STAB2: variants seen among roughly 807,000 people sequenced by gnomAD.
STAB2 encodes stabilin-2.
In STAB2, 288 loss-of-function variants were observed where a neutral mutation model predicts 338.1. The observed-to-expected ratio is 0.85, with a 90% CI of 0.77 to 0.94. The LOEUF (loss-of-function observed/expected upper bound fraction) is 0.94. Among genes scored for constraint, STAB2 ranks in the 40% least tolerant of loss-of-function variants. The pLI is 0.00. For missense variants in STAB2, 3,141 were observed against 3,210.1 expected (o/e 0.98, Z 0.52); for synonymous variants, 1,202 against 1,193.3 (o/e 1.01, Z -0.15).
rs561602793 is a variant in STAB2, at chr12:103,718,260, T to C, written c.4683+419T>C. Among the ~76,000 whole-genome samples, 12 of 152,286 alleles carry C rather than the reference T, an allele frequency of 7.9e-5. No individual in the cohort carries two copies. The South Asian group carries it at 1.9e-3, about 24-fold the overall frequency. On this transcript the variant is annotated intron_variant, in intron 44 of 68. Coordinates refer to ENST00000388887, the MANE Select transcript of STAB2 (RefSeq NM_017564.10). ...GCGAGCGCACTATGAGTCAACAATA[T>C]AGTGTAGCATTCCAAAAGCTTGTTC...
Position 103,717,798 on chromosome 12 carries a change from C to T in STAB2, c.4640C>T (p.Thr1547Ile), listed in dbSNP as rs537041300. 5 of 1,614,152 alleles carry T rather than the reference C, an allele frequency of 3.1e-6. No individual in the cohort carries two copies. In the African/African-American group the frequency reaches 5.3e-5, roughly 17 times the overall value. ...QAACNCLPAY[T>I]GDGKVCTLIN... is the part of the protein sequence containing the mutation. ...GCCTGTAACTGTTTGCCAGCATACA[C>T]TGGAGATGGAAAGGTCTGCACACTC... The change falls in exon 44 of 69, where the codon ACT (threonine) becomes ATT (isoleucine). Residue 1547 changes from threonine (T) to isoleucine (I), a missense_variant. Physicochemically the swap from Thr to Ile is moderately conservative, Grantham distance 89 (BLOSUM62 -1). Transcript: ENST00000388887.
chr12:103,706,596 G>A (rs1295836029), intron 37 of STAB2, among the ~76,000 whole-genome samples, 196 bp from the exon 38 acceptor site: 1 of 151,680 alleles, frequency 6.6e-6, no homozygotes, highest in Non-Finnish European at 1.5e-5. Context: ...GGAGCCCTTG[G>A]TCCTGTTCCT....
chr12:103,759,492 G>T lies in STAB2; in HGVS notation c.7248+219G>T, dbSNP rs181306364. Among the ~76,000 whole-genome samples the T allele has an allele frequency of 2.0e-5, 3 of 152,330 alleles. No individual in the cohort carries two copies. In the East Asian group the frequency reaches 5.8e-4, roughly 29 times the overall value. On this transcript the variant is annotated intron_variant, in intron 65 of 68. Transcript: ENST00000388887. ...GGCAGCCTCAGAAGCTGGTTATGGG[G>T]AAGGATAATGAACCCATTTTAAAGC...
Position 103,759,191 on chromosome 12 carries a change from A to G in STAB2, c.7166A>G (p.Asn2389Ser), listed in dbSNP as rs1424204990. The change falls in exon 65 of 69, where the codon AAT becomes AGT. Residue 2389 changes from asparagine (N) to serine (S), a missense_variant. Transcript: ENST00000388887. ...GCCAATGTCAGCATGTTTTTCTACA[A>G]TGACCTTGTCAATGGCACCACCCTG... ...HLANVSMFFY[N>S]DLVNGTTLQT... The G allele has an allele frequency of 3.1e-6, 5 of 1,614,040 alleles. No homozygotes were observed. The highest frequency in any genetic ancestry group is 4.2e-6 in the Non-Finnish European group (5 of 1,180,038).
intron 19 of STAB2, among the ~76,000 whole-genome samples, chr12:103,667,435 C>G (rs1446499769): frequency 6.6e-6 from 1 of 152,136 alleles, no homozygotes; most frequent in African/African-American, 2.4e-5. Context: ...GGCAAGGAAA[C>G]GTAAACCACC....
At chr12:103,598,952 T>G (rs563556084) in intron 3 of STAB2, among the ~76,000 whole-genome samples, 1 of 152,304 alleles carries the variant, frequency 6.6e-6, no homozygotes, top group African/African-American at 2.4e-5. Flanking sequence ...ATTGTACCTG[T>G]GAGCCCAGGT....
At chr12:103,617,026 C>T (rs1176385569) in intron 3 of STAB2, among the ~76,000 whole-genome samples, 3 of 152,148 alleles carry the variant, frequency 2.0e-5, no homozygotes, top group Non-Finnish European at 4.4e-5. Flanking sequence ...TTTAACAAGG[C>T]CCTTTCTTCA....
intron 5 of STAB2, 65 bp from the exon 6 acceptor site, chr12:103,631,533 G>C: frequency 6.7e-7 from 1 of 1,483,508 alleles, no homozygotes; most frequent in Non-Finnish European, 9.4e-7. Flanking sequence ...AAAAACACTA[G>C]CTTTCCAGAA....
intron 23 of STAB2, 75 bp from the exon 24 acceptor site, chr12:103,675,853 A>T: frequency 8.2e-6 from 10 of 1,222,652 alleles, no homozygotes; most frequent in Non-Finnish European, 1.2e-5. Flanking sequence ...GAACTGGCTC[A>T]TCTCTAGCTG....
chr12:103,670,919 C>T (rs1016693583), intron 22 of STAB2, 112 bp downstream of exon 22: 1 of 811,532 alleles, frequency 1.2e-6, no homozygotes, highest in South Asian at 1.5e-5. Context: ...TTGGGTTACA[C>T]CATCATCACA....
chr12:103,730,037 G>A lies in STAB2; in HGVS notation c.5083-79G>A, dbSNP rs1030594663. 2.2e-6 allele frequency: 3 copies of A among 1,392,560 alleles called. No homozygotes were observed. In the South Asian group the frequency reaches 4.7e-5, roughly 22 times the overall value. 86.3% of individuals were successfully genotyped at this position (1,392,560 alleles called of 1,614,324 possible). On this transcript the variant is annotated intron_variant, in intron 48 of 68. Coordinates refer to ENST00000388887, the MANE Select transcript of STAB2 (RefSeq NM_017564.10). ...TTTGCTCCTGATAATTTGACACATT[G>A]GTAAAGCATTCTGTGAGAAGCAATT...
intron 52 of STAB2, among the ~76,000 whole-genome samples, chr12:103,736,058 C>T (rs1191864649): frequency 1.3e-5 from 2 of 152,224 alleles, no homozygotes; most frequent in African/African-American, 4.8e-5. Context: ...CTGAACAATT[C>T]TGTCTTCCTG....
chr12:103,670,470 C>T (rs1875656701), intron 21 of STAB2, among the ~76,000 whole-genome samples: 1 of 152,104 alleles, frequency 6.6e-6, no homozygotes, highest in African/African-American at 2.4e-5. Flanking sequence ...ATTGTGATGC[C>T]CCCTTGAGTG....
chr12:103,624,039 T>G (rs116947479), intron 5 of STAB2, among the ~76,000 whole-genome samples: 2 of 152,352 alleles, frequency 1.3e-5, no homozygotes, highest in African/African-American at 2.4e-5. Flanking sequence ...GCCCTGACTT[T>G]CGTGGAAAAA....
rs542336710 is a variant in STAB2 at position 103,734,110 on chromosome 12, A to G, written c.5460+928A>G. Among the ~76,000 whole-genome samples the G allele has an allele frequency of 1.1e-3, 164 of 149,304 alleles. 2 individuals carry two copies. Among genetic ancestry groups the G allele is most frequent in the Non-Finnish European group, 1.6e-3 (110 of 67,556 alleles). ...TGGGAGCATGCAGTCTTATAGGAGC[A>G]AGCACGATCATATAGGAGTAAGCAT... is the stretch of plus-strand genomic sequence containing the variant. On this transcript the variant is annotated intron_variant, in intron 51 of 68. Transcript: ENST00000388887.
chr12:103,631,739 A>T, intron 6 of STAB2, 46 bp downstream of exon 6: 1 of 1,572,442 alleles, frequency 6.4e-7, no homozygotes, highest in Non-Finnish European at 8.8e-7. Context: ...TCAAACAGGC[A>T]CAAATGTATG....
chr12:103,683,351 T>G, intron 26 of STAB2, 51 bp downstream of exon 26: 1 of 1,218,276 alleles, frequency 8.2e-7, no homozygotes, highest in Non-Finnish European at 1.2e-6. Context: ...AAAAAAACAA[T>G]GCTTGAGAAA....
intron 54 of STAB2, 115 bp downstream of exon 54, chr12:103,739,583 G>A (rs990606538): frequency 5.9e-5 from 45 of 767,078 alleles, no homozygotes; most frequent in Non-Finnish European, 7.3e-5. Flanking sequence ...GCCCGTGCAC[G>A]TATGTTGCAT....
In STAB2 at chr12:103,622,092, TGGACCCAGCTGTTCATCA is replaced by T; in HGVS notation, c.471_487+1del. On this transcript the variant is annotated inframe_deletion and splice_region_variant, in exon 5 of 69. Coordinates refer to ENST00000388887, the MANE Select transcript of STAB2 (RefSeq NM_017564.10). ...AAACCTGTGCTGACGACAACTTATT[TGGACCCAGCTGTTCATCA>T]GGTATGTCTGATTTTTGTGTAATCA... 6.2e-7 allele frequency: 1 copy of T among 1,614,228 alleles called. No homozygotes were observed. The highest frequency in any genetic ancestry group is 8.5e-7 in the Non-Finnish European group (1 of 1,180,036).
Sources: gnomAD v4.1 joint callset for allele counts (sites outside exome capture counted in the v4.1 genomes callset) on GRCh38, gnomAD v4.1.1 for gene constraint, MANE v1.5 for transcripts, NCBI Gene and HGNC (gene_info 2026-07-23, HGNC 2026-07-21) for gene names.